Variants in NDST3 observed in about 807,000 individuals in gnomAD.
NDST3 encodes bifunctional heparan sulfate N-deacetylase/N-sulfotransferase 3.
Under a neutral mutation model 96.1 loss-of-function variants are expected in NDST3, and 58 were observed. That is an observed-to-expected ratio of 0.60 (90% confidence interval 0.49 to 0.75). The LOEUF is 0.75. Ranked by LOEUF, NDST3 falls within the 30% of genes least tolerant of loss-of-function variation. The probability of loss-of-function intolerance (pLI) is 0.00; values close to 1 mark genes in which losing one functional copy is unlikely to be tolerated. For missense variants in NDST3, 788 were observed against 1,034.2 expected, an observed-to-expected ratio of 0.76 and a Z score of 3.27; for synonymous variants, 333 against 359.7, an observed-to-expected ratio of 0.93 and a Z score of 0.84.
chr4:118,212,738 T>A (rs1738886441), intron 6 of NDST3, among the ~76,000 whole-genome samples: 1 of 152,142 alleles, frequency 6.6e-6, no homozygotes, highest in African/African-American at 2.4e-5. Flanking sequence ...TTTCTATACA[T>A]GAGGAAAGAA....
chr4:118,126,303 C>T (rs895691615), intron 4 of NDST3, among the ~76,000 whole-genome samples: 1 of 151,884 alleles, frequency 6.6e-6, no homozygotes, highest in Admixed American at 6.6e-5. Flanking sequence ...AGCCATCCTT[C>T]GACTCTCTAT....
intron 6 of NDST3, among the ~76,000 whole-genome samples, chr4:118,196,140 T>C (rs917803602): frequency 3.3e-5 from 5 of 152,216 alleles, no homozygotes; most frequent in Non-Finnish European, 5.9e-5. Flanking sequence ...ATATGATGTA[T>C]CACATTGATT....
chr4:118,126,241 T>C (rs939982524), intron 4 of NDST3, among the ~76,000 whole-genome samples: 12 of 152,004 alleles, frequency 7.9e-5, no homozygotes, highest in Admixed American at 4.6e-4. Context: ...TTTGTGCTCA[T>C]TAATCATGCC....
At chr4:118,041,375 CCATAT>C (rs1165879765) in intron 1 of NDST3, among the ~76,000 whole-genome samples, 1 of 152,088 alleles carries the variant, frequency 6.6e-6, no homozygotes, top group East Asian at 1.9e-4. Flanking sequence ...CTATATCTTC[CCATAT>C]CATATTATTT....
At chr4:118,227,082 A>G in intron 8 of NDST3, 100 bp downstream of exon 8, 1 of 747,568 alleles carries the variant, frequency 1.3e-6, no homozygotes, top group Non-Finnish European at 2.3e-6. Context: ...ATAACTGCTA[A>G]TGAATGAATA....
chr4:118,144,039 A>G (rs896224996), intron 6 of NDST3, among the ~76,000 whole-genome samples: 11 of 151,984 alleles, frequency 7.2e-5, no homozygotes, highest in Admixed American at 6.6e-5. Context: ...TACCTCTATT[A>G]TTATTTTTAT....
rs184697206 is a variant in NDST3, at chr4:118,150,240, G to A, written c.1539+6556G>A. Among the ~76,000 whole-genome samples the A allele has an allele frequency of 9.3e-4, 142 of 152,198 alleles. 1 individual carries two copies. In the East Asian group the frequency reaches 0.015, roughly 16 times the overall value. On this transcript the variant is annotated intron_variant, in intron 6 of 13. Coordinates refer to ENST00000296499, the MANE Select transcript of NDST3 (RefSeq NM_004784.3). Reference sequence around the variant, plus strand: ...CTCTTTTTTGGATGTGTCTCTGCCCGGCTTTGGTATCAGCATGATGCTGGC... The same window carrying A: ...CTCTTTTTTGGATGTGTCTCTGCCCAGCTTTGGTATCAGCATGATGCTGGC...
intron 2 of NDST3, among the ~76,000 whole-genome samples, chr4:118,081,032 C>T (rs562087996): frequency 9.2e-5 from 14 of 152,298 alleles, no homozygotes; most frequent in Admixed American, 9.2e-4. Context: ...AATCTCCCAT[C>T]TATATAAGTT....
chr4:118,039,272 A>G (rs9999038), intron 1 of NDST3, among the ~76,000 whole-genome samples: 113,853 of 152,122 alleles, frequency 0.75, 44,459 homozygotes, highest in South Asian at 0.9. Context: ...ACTGCTATTC[A>G]CAATGTTTAT....
At chr4:118,211,330 C>G (rs754648603) in intron 6 of NDST3, among the ~76,000 whole-genome samples, 1 of 151,942 alleles carries the variant, frequency 6.6e-6, no homozygotes. Context: ...TAATAATATC[C>G]CATGAATCCT....
At chr4:118,156,663 AT>A (rs1310325622) in intron 6 of NDST3, among the ~76,000 whole-genome samples, 2 of 152,210 alleles carry the variant, frequency 1.3e-5, no homozygotes, top group Non-Finnish European at 2.9e-5. Flanking sequence ...CCAACATGGC[AT>A]TTTATTGAAG....
chr4:118,225,986 GTTTT>G (rs1034283773), intron 7 of NDST3, among the ~76,000 whole-genome samples: 1 of 149,632 alleles, frequency 6.7e-6, no homozygotes, highest in Non-Finnish European at 1.5e-5. Flanking sequence ...GTTTTAAACT[GTTTT>G]TTTGTTTTTT....
intron 3 of NDST3, among the ~76,000 whole-genome samples, chr4:118,106,439 AGGCTT>A (rs1730187494): frequency 6.6e-6 from 1 of 152,022 alleles, no homozygotes; most frequent in African/African-American, 2.4e-5. Context: ...TCAACCTCCT[AGGCTT>A]AAGAAATCCT....
At chr4:118,241,645 T>G (rs1741015356) in intron 11 of NDST3, among the ~76,000 whole-genome samples, 1 of 152,232 alleles carries the variant, frequency 6.6e-6, no homozygotes, top group Non-Finnish European at 1.5e-5. Context: ...GAATGACATG[T>G]TCTCTGTCAG....
chr4:118,038,834 T>C (rs1724289005), intron 1 of NDST3, among the ~76,000 whole-genome samples: 1 of 152,238 alleles, frequency 6.6e-6, no homozygotes, highest in Admixed American at 6.5e-5. Context: ...GTAATCTTTT[T>C]TCACTTTTCT....
chr4:118,105,172 T>A, intron 3 of NDST3, 67 bp downstream of exon 3: 1 of 1,194,274 alleles, frequency 8.4e-7, no homozygotes, highest in South Asian at 1.3e-5. Context: ...ATTGCACACT[T>A]TTCCTGCCCA....
intron 4 of NDST3, among the ~76,000 whole-genome samples, chr4:118,136,336 T>G (rs1265793939): frequency 6.6e-6 from 1 of 152,238 alleles, no homozygotes; most frequent in African/African-American, 2.4e-5. Flanking sequence ...TGTTAACCTA[T>G]AATTCATTTT....
At chr4:118,232,939 T>G (rs1740403763) in intron 8 of NDST3, 73 bp from the exon 9 acceptor site, 1 of 1,386,318 alleles carries the variant, frequency 7.2e-7, no homozygotes, top group East Asian at 2.3e-5. Context: ...TATTTATTCA[T>G]GACTTTAAAG....
Position 118,066,196 on chromosome 4 carries a change from T to TATTACATATTA in NDST3, c.981+11305_981+11306insATTACATATTA, listed in dbSNP as rs1560617786. ...TTTTATATATTATATATCTTATATA[T>TATTACATATTA]TATATTTTATATATTATACATAATA... On this transcript the variant is annotated intron_variant, in intron 2 of 13. Coordinates refer to ENST00000296499, the MANE Select transcript of NDST3 (RefSeq NM_004784.3). Among the ~76,000 whole-genome samples, 118 of 51,258 alleles carry TATTACATATTA rather than the reference T, an allele frequency of 2.3e-3. 15 individuals carry two copies. Among genetic ancestry groups the TATTACATATTA allele is most frequent in the African/African-American group, 8.0e-3 (115 of 14,428 alleles). 33.6% of individuals were successfully genotyped at this position (51,258 alleles called of 152,430 possible). A position where few individuals can be genotyped will look rare whatever the true frequency, so the allele number is the denominator to read the frequency against.
Sources: allele counts gnomAD v4.1 joint callset (sites outside exome capture counted in the v4.1 genomes callset), GRCh38; gene constraint gnomAD v4.1.1; transcripts MANE v1.5; gene names NCBI Gene and HGNC (gene_info 2026-07-23, HGNC 2026-07-21).